CCDC80: variants seen among roughly 807,000 people sequenced by gnomAD.
The protein encoded by CCDC80 is coiled-coil domain containing 80.
In CCDC80, 49 loss-of-function variants were observed where a neutral mutation model predicts 78.7. The ratio of observed to expected loss-of-function variants is 0.62; its 90% CI spans 0.50 to 0.79. The LOEUF is 0.79. CCDC80 is among the 30% of genes least tolerant of loss of function. CCDC80 has a pLI of 0.00. For missense variants in CCDC80, 1,205 were observed against 1,198.6 expected, an observed-to-expected ratio of 1.01 and a Z score of -0.08; for synonymous variants, 488 against 447.0, an observed-to-expected ratio of 1.09 and a Z score of -1.16.
chr3:112,623,117 T>C (rs533905709), intron 3 of CCDC80, among the ~76,000 whole-genome samples: 1 of 152,328 alleles, frequency 6.6e-6, no homozygotes, highest in Non-Finnish European at 1.5e-5. Context: ...GAAGGTGAAC[T>C]CTGTTATGTG....
rs1935296959 is a variant in CCDC80 at position 112,597,225 on chromosome 3, C to T, written c.*8192G>A. The T allele has an allele frequency of 6.6e-6, 1 of 152,146 alleles. No individual in the cohort carries two copies. Among genetic ancestry groups the T allele is most frequent in the South Asian group, 2.1e-4 (1 of 4,832 alleles). The allele number at this position is 152,146 out of a possible 1,614,324, so 9.4% of individuals were successfully genotyped here. On this transcript the variant is annotated 3_prime_UTR_variant, in exon 8 of 8. Coordinates refer to ENST00000206423, the MANE Select transcript of CCDC80 (RefSeq NM_199511.3). ...ACAGTGTTTTCTGGTCTAATTAAAC[C>T]ATAGTCTTCATATACCTTTACCACG...
chr3:112,605,276 T>A lies in CCDC80; in HGVS notation c.*141A>T. On this transcript the variant is annotated 3_prime_UTR_variant, in exon 8 of 8. Coordinates refer to ENST00000206423, the MANE Select transcript of CCDC80 (RefSeq NM_199511.3). ...TAATAACTCATGAATAGGTGAAAGT[T>A]TGCTATTTATTTAGTCTTAGAAAAA... is the stretch of plus-strand genomic sequence containing the variant. 1.7e-6 allele frequency: 1 copy of A among 582,326 alleles called. No individual in the cohort carries two copies. The highest frequency in any genetic ancestry group is 3.0e-6 in the Non-Finnish European group (1 of 335,572). 36.1% of individuals were successfully genotyped at this position (582,326 alleles called of 1,614,324 possible). A position where few individuals can be genotyped will look rare whatever the true frequency, so the allele number is the denominator to read the frequency against.
chr3:112,611,631 G>A (rs543760763), intron 5 of CCDC80, among the ~76,000 whole-genome samples: 2 of 152,310 alleles, frequency 1.3e-5, no homozygotes, highest in African/African-American at 2.4e-5. Context: ...CGGTTTCCCC[G>A]ACCTACTACC....
Position 112,639,606 on chromosome 3 carries a change from G to A in CCDC80, c.300C>T (p.Ala100=). 1 of 1,614,124 alleles carries A rather than the reference G, an allele frequency of 6.2e-7. No homozygotes were observed. Among genetic ancestry groups the A allele is most frequent in the Non-Finnish European group, 8.5e-7 (1 of 1,180,032 alleles). The stretch of plus-strand genomic sequence containing the variant: ...CTGGTCTTTGCTCAGGTCTCACGGC[G>A]GCCCCATTGATGTCCGAGCGGGCTG... The part of the protein sequence containing the change: ...EPPARSDING[A]AVRPEQRPAA... Residue 100 remains alanine (A), a synonymous_variant, in exon 2 of 8, where the codon GCC becomes GCT. Coordinates refer to ENST00000206423, the MANE Select transcript of CCDC80 (RefSeq NM_199511.3).
intron 2 of CCDC80, 145 bp downstream of exon 2, chr3:112,637,883 T>G: frequency 7.5e-7 from 1 of 1,328,244 alleles, no homozygotes; most frequent in Non-Finnish European, 1.0e-6. Context: ...CTGCCCTCTT[T>G]TGCCAGACTT....
intron 4 of CCDC80, among the ~76,000 whole-genome samples, chr3:112,617,518 G>A (rs576519629): frequency 6.6e-6 from 1 of 152,338 alleles, no homozygotes; most frequent in African/African-American, 2.4e-5. Flanking sequence ...TCGAAGCTCT[G>A]CCCTCTGTGG....
At chr3:112,615,589 A>G (rs1935718418) in intron 5 of CCDC80, among the ~76,000 whole-genome samples, 1 of 152,158 alleles carries the variant, frequency 6.6e-6, no homozygotes. Context: ...AGCTGGGTAA[A>G]ATGAGGCTAA....
chr3:112,621,122 AGTAACTACAGCTTCTTCCTATG>A (rs930226578), intron 3 of CCDC80, among the ~76,000 whole-genome samples: 1 of 152,202 alleles, frequency 6.6e-6, no homozygotes, highest in African/African-American at 2.4e-5. Flanking sequence ...ACCTATGCCC[AGTAACTACAGCTTCTTCCTATG>A]GGAAATGGGT....
intron 2 of CCDC80, among the ~76,000 whole-genome samples, chr3:112,636,455 C>T (rs1440903903): frequency 6.6e-6 from 1 of 152,120 alleles, no homozygotes; most frequent in East Asian, 1.9e-4. Context: ...TTAGAATCAA[C>T]CAGAGCTAGG....
At chr3:112,611,306 T>A (rs1200526982) in intron 5 of CCDC80, among the ~76,000 whole-genome samples, 1 of 152,204 alleles carries the variant, frequency 6.6e-6, no homozygotes, top group African/African-American at 2.4e-5. Context: ...GTTATCCACA[T>A]GATAACATGG....
chr3:112,636,447 A>G (rs1936209239), intron 2 of CCDC80, among the ~76,000 whole-genome samples: 1 of 152,236 alleles, frequency 6.6e-6, no homozygotes, highest in Admixed American at 6.5e-5. Context: ...ACAAATCCTT[A>G]GAATCAACCA....
Position 112,602,080 on chromosome 3 carries a change from T to G in CCDC80, c.*3337A>C, listed in dbSNP as rs1233212954. The G allele has an allele frequency of 6.6e-6, 1 of 152,234 alleles. No individual in the cohort carries two copies. The highest frequency in any genetic ancestry group is 1.5e-5 in the Non-Finnish European group (1 of 68,040). 9.4% of individuals were successfully genotyped at this position (152,234 alleles called of 1,614,324 possible). A position where few individuals can be genotyped will look rare whatever the true frequency, so the allele number is the denominator to read the frequency against. Reference sequence around the variant, plus strand: ...ATAGTATGTACTCACTTTATGTCTCTGTGTCACATTTTGGTAATTCTTGCC... The same window carrying G: ...ATAGTATGTACTCACTTTATGTCTCGGTGTCACATTTTGGTAATTCTTGCC... On this transcript the variant is annotated 3_prime_UTR_variant, in exon 8 of 8. Coordinates refer to ENST00000206423, the MANE Select transcript of CCDC80 (RefSeq NM_199511.3).
chr3:112,609,474 A>C (rs1004394549), intron 6 of CCDC80, among the ~76,000 whole-genome samples: 4 of 152,160 alleles, frequency 2.6e-5, no homozygotes, highest in Non-Finnish European at 5.9e-5. Flanking sequence ...TTTTAAAAAA[A>C]ATTCTTTCAC....
At chr3:112,611,353 G>A (rs17235534) in intron 5 of CCDC80, among the ~76,000 whole-genome samples, 7,907 of 152,258 alleles carry the variant, frequency 0.052, 287 homozygotes, top group Non-Finnish European at 0.081. Context: ...AGGCTTCTGG[G>A]TGTAGAACTT....
At chr3:112,622,822 A>ATTTTTTTTTTTTTTT (rs373170477) in intron 3 of CCDC80, among the ~76,000 whole-genome samples, 21 of 118,886 alleles carry the variant, frequency 1.8e-4, no homozygotes, top group African/African-American at 5.9e-4. Flanking sequence ...TGCCCAGCTA[A>ATTTTTTTTTTTTTTT]TTTTTTTTTT....
chr3:112,638,572 G>C lies in CCDC80; in HGVS notation c.1334C>G (p.Ala445Gly). ...GGGTTCTGAGATGGTGGTGGGAGGG[G>C]CATTTGTGAAGCTCTCCAAGCTGGT... ...KATSLESFTN[A>G]PPTTISEPST... The change falls in exon 2 of 8, where the codon GCC becomes GGC. Residue 445 changes from alanine to glycine, a missense_variant. Transcript: ENST00000206423. 6.2e-7 allele frequency: 1 copy of C among 1,614,060 alleles called. No homozygotes were observed. Among genetic ancestry groups the C allele is most frequent in the Non-Finnish European group, 8.5e-7 (1 of 1,180,022 alleles).
chr3:112,613,216 C>T (rs1018593571), intron 5 of CCDC80, among the ~76,000 whole-genome samples: 1 of 152,164 alleles, frequency 6.6e-6, no homozygotes, highest in Non-Finnish European at 1.5e-5. Flanking sequence ...TTTTGTCTTG[C>T]TTGTGCCTTA....
intron 5 of CCDC80, among the ~76,000 whole-genome samples, chr3:112,610,915 C>CTTTT (rs11379147): frequency 6.1e-4 from 75 of 123,264 alleles, no homozygotes; most frequent in Non-Finnish European, 8.1e-4. Context: ...TTCTTTCTTT[C>CTTTT]TTTTTTTTTT....
chr3:112,624,797 T>A (rs1340781596), intron 3 of CCDC80, among the ~76,000 whole-genome samples: 2 of 152,220 alleles, frequency 1.3e-5, no homozygotes, highest in Non-Finnish European at 2.9e-5. Flanking sequence ...CTTCACATGG[T>A]TTACATATAA....
Sources: allele counts gnomAD v4.1 joint callset (sites outside exome capture counted in the v4.1 genomes callset), GRCh38; gene constraint gnomAD v4.1.1; transcripts MANE v1.5; gene names NCBI Gene and HGNC (gene_info 2026-07-23, HGNC 2026-07-21).